Variants in CPEB3 observed in about 807,000 individuals in gnomAD.
CPEB3 encodes the protein cytoplasmic polyadenylation element binding protein 3.
A neutral mutation model predicts 67.2 loss-of-function variants in CPEB3; 20 were observed. That is an observed-to-expected ratio of 0.30 (90% confidence interval 0.21 to 0.43). CPEB3 has a LOEUF of 0.43. Ranked by LOEUF, CPEB3 falls within the 20% of genes least tolerant of loss-of-function variation. The probability of loss-of-function intolerance (pLI) is 1.00; values close to 1 mark genes in which losing one functional copy is unlikely to be tolerated. For synonymous variants in CPEB3, 376 were observed against 393.1 expected (o/e 0.96, Z 0.51); for missense variants, 746 against 968.6 (o/e 0.77, Z 3.05).
chr10:92,140,056 A>G (rs1431781849), intron 6 of CPEB3, among the ~76,000 whole-genome samples: 2 of 140,866 alleles, frequency 1.4e-5, no homozygotes, highest in Non-Finnish European at 3.1e-5. Context: ...TGGGCAACAG[A>G]GTGAGACTCT....
At chr10:92,268,890 T>C (rs1186859575) in intron 1 of CPEB3, among the ~76,000 whole-genome samples, 1 of 152,072 alleles carries the variant, frequency 6.6e-6, no homozygotes, top group African/African-American at 2.4e-5. Flanking sequence ...AAGATTTGCA[T>C]GCAAGAAATT....
intron 9 of CPEB3, among the ~76,000 whole-genome samples, chr10:92,071,075 A>ACACG (rs1842734560): frequency 5.5e-5 from 1 of 18,310 alleles, no homozygotes; most frequent in African/African-American, 1.6e-4. Context: ...TCATTTACAC[A>ACACG]CACACACACA....
intron 7 of CPEB3, among the ~76,000 whole-genome samples, chr10:92,105,356 T>C (rs1317851492): frequency 6.6e-6 from 1 of 152,222 alleles, no homozygotes; most frequent in African/African-American, 2.4e-5. Context: ...CCCAATTTAA[T>C]TTCTCTCTAT....
intron 6 of CPEB3, chr10:92,137,832 A>G (rs1846182550): frequency 1.1e-5 from 2 of 181,580 alleles, no homozygotes; most frequent in African/African-American, 4.8e-5. Context: ...CCCCATCTCT[A>G]CTAAAAATAC....
chr10:92,156,697 AC>A (rs1366070835), intron 4 of CPEB3, among the ~76,000 whole-genome samples: 4 of 152,216 alleles, frequency 2.6e-5, no homozygotes, highest in Non-Finnish European at 5.9e-5. Context: ...ATAGGCTTTA[AC>A]TTTTTTAAAT....
intron 6 of CPEB3, among the ~76,000 whole-genome samples, chr10:92,116,252 TAA>T (rs1208917572): frequency 1.4e-4 from 20 of 145,844 alleles, no homozygotes; most frequent in East Asian, 2.0e-4. Flanking sequence ...CACCTTCCAG[TAA>T]AAAAAAAAAA....
At chr10:92,143,208 A>G in intron 5 of CPEB3, 90 bp from the exon 6 acceptor site, 1 of 989,852 alleles carries the variant, frequency 1.0e-6, no homozygotes, top group African/African-American at 1.6e-5. Context: ...TTTTAGTTTA[A>G]AAAAATGTTT....
intron 2 of CPEB3, among the ~76,000 whole-genome samples, chr10:92,228,472 GAA>G (rs1339993778): frequency 6.6e-6 from 1 of 152,024 alleles, no homozygotes; most frequent in East Asian, 1.9e-4. Flanking sequence ...CTGCTTATCT[GAA>G]ACCTAAGAAC....
intron 9 of CPEB3, among the ~76,000 whole-genome samples, chr10:92,065,957 C>T (rs754275202): frequency 2.0e-5 from 3 of 151,808 alleles, no homozygotes; most frequent in African/African-American, 7.3e-5. Context: ...ATTGGCCAGG[C>T]GTGGTGGTGC....
intron 2 of CPEB3, among the ~76,000 whole-genome samples, chr10:92,209,941 CA>C (rs768962869): frequency 1.3e-3 from 75 of 59,038 alleles, no homozygotes; most frequent in East Asian, 2.3e-3. Context: ...GGCTCTGTCT[CA>C]AAAAAAAAAA....
At chr10:92,083,829 C>T (rs1843254902) in intron 8 of CPEB3, among the ~76,000 whole-genome samples, 1 of 152,122 alleles carries the variant, frequency 6.6e-6, no homozygotes, top group Non-Finnish European at 1.5e-5. Context: ...GCTTGAAACT[C>T]CAGCTAAGCA....
chr10:92,097,902 C>G (rs1356473530), intron 7 of CPEB3, among the ~76,000 whole-genome samples: 1 of 151,974 alleles, frequency 6.6e-6, no homozygotes, highest in Non-Finnish European at 1.5e-5. Flanking sequence ...TGGCTCACAC[C>G]TGTAATCCCA....
At position 92,049,442 on chromosome 10, in the gene CPEB3, A is replaced by G. The variant is rs1370055535; in HGVS notation, c.*2770T>C. 7.9e-5 allele frequency: 12 copies of G among 152,672 alleles called. No individual in the cohort carries two copies. The highest frequency in any genetic ancestry group is 2.9e-4 in the African/African-American group (12 of 41,562). The allele number at this position is 152,672 out of a possible 1,614,324, so 9.5% of individuals were successfully genotyped here. On this transcript the variant is annotated 3_prime_UTR_variant, in exon 10 of 10. Transcript: ENST00000265997. ...TTTTTGAAGGACCCTCTCTTTTAAT[A>G]TAACATTAACAACTTGGGGGCACAT...
intron 9 of CPEB3, among the ~76,000 whole-genome samples, chr10:92,055,679 G>C (rs1424932298): frequency 1.3e-5 from 2 of 152,076 alleles, no homozygotes; most frequent in Non-Finnish European, 2.9e-5. Context: ...TGCCTAGAAA[G>C]CTAGAAAAAT....
At position 92,129,780 on chromosome 10, in the gene CPEB3, G is replaced by A. The variant is rs530228988; in HGVS notation, c.1453+13249C>T. 1.1e-4 allele frequency among the ~76,000 whole-genome samples: 17 copies of A among 152,156 alleles called. No homozygotes were observed. In the South Asian group the frequency reaches 1.7e-3, roughly 15 times the overall value. On this transcript the variant is annotated intron_variant, in intron 6 of 9. Coordinates refer to ENST00000265997, the MANE Select transcript of CPEB3 (RefSeq NM_014912.5). Reference sequence around the variant, plus strand: ...ATCCCTGTTGCGCATGGTAGCTCACGCCTGTAATCCCAACACTTTGGGAGG... The same window carrying A: ...ATCCCTGTTGCGCATGGTAGCTCACACCTGTAATCCCAACACTTTGGGAGG...
chr10:92,209,174 T>TA (rs892303934), intron 2 of CPEB3, among the ~76,000 whole-genome samples: 9 of 151,998 alleles, frequency 5.9e-5, no homozygotes, highest in East Asian at 3.9e-4. Context: ...AGCTGTTATT[T>TA]AAAAAAAAAT....
chr10:92,097,709 CT>C (rs1843947050), intron 7 of CPEB3, among the ~76,000 whole-genome samples: 1 of 152,106 alleles, frequency 6.6e-6, no homozygotes. Flanking sequence ...ACTAATATTC[CT>C]TTTCAAGGTT....
chr10:92,071,277 A>T (rs1345172114), intron 9 of CPEB3, among the ~76,000 whole-genome samples: 1 of 152,208 alleles, frequency 6.6e-6, no homozygotes, highest in Admixed American at 6.5e-5. Flanking sequence ...TCTGATTTAC[A>T]AATTTCTAGC....
chr10:92,105,545 C>T (rs1346648448), intron 7 of CPEB3, among the ~76,000 whole-genome samples: 2 of 152,208 alleles, frequency 1.3e-5, no homozygotes, highest in Non-Finnish European at 2.9e-5. Flanking sequence ...ATTCAAATGA[C>T]ACTTCATCCA....
Sources: gnomAD v4.1 joint callset for allele counts (sites outside exome capture counted in the v4.1 genomes callset) on GRCh38, gnomAD v4.1.1 for gene constraint, MANE v1.5 for transcripts, NCBI Gene and HGNC (gene_info 2026-07-23, HGNC 2026-07-21) for gene names.